AGBL1: variants seen among roughly 807,000 people sequenced by gnomAD.
The protein encoded by AGBL1 is AGBL carboxypeptidase 1.
Under a neutral mutation model 118.9 loss-of-function variants are expected in AGBL1, and 130 were observed. The observed-to-expected ratio is 1.09, with a 90% CI of 0.95 to 1.26. The LOEUF (loss-of-function observed/expected upper bound fraction) is 1.26, where lower values mean the gene tolerates loss of function less well. Among genes scored for constraint, AGBL1 ranks in the 50% most tolerant of loss-of-function variants. AGBL1 has a pLI of 0.00. For missense variants in AGBL1, 1,584 were observed against 1,298.1 expected (o/e 1.22, Z -3.38); for synonymous variants, 555 against 478.9 (o/e 1.16, Z -2.08).
At chr15:86,717,923 C>T (rs2086661955) in intron 22 of AGBL1, among the ~76,000 whole-genome samples, 1 of 151,948 alleles carries the variant, frequency 6.6e-6, no homozygotes, top group African/African-American at 2.4e-5. Context: ...ACTAAAAATA[C>T]AAAAATTAGC....
At chr15:86,081,871 C>T (rs954569524) in intron 1 of AGBL1, among the ~76,000 whole-genome samples, 3 of 152,202 alleles carry the variant, frequency 2.0e-5, no homozygotes, top group Non-Finnish European at 4.4e-5. Flanking sequence ...TCAGGTTGAA[C>T]TCAATTGCCT....
intron 1 of AGBL1, among the ~76,000 whole-genome samples, chr15:86,101,416 G>A (rs1000028081): frequency 2.1e-5 from 3 of 145,806 alleles, no homozygotes; most frequent in Non-Finnish European, 4.5e-5. Flanking sequence ...TTTTTTTTTT[G>A]TTGTTGTTAA....
intron 23 of AGBL1, among the ~76,000 whole-genome samples, chr15:86,957,192 A>T (rs2141679541): frequency 6.6e-6 from 1 of 152,206 alleles, no homozygotes; most frequent in African/African-American, 2.4e-5. Flanking sequence ...ATTTTTATAT[A>T]TTTTATTCAA....
At chr15:87,008,274 G>A (rs1226691562) in intron 24 of AGBL1, among the ~76,000 whole-genome samples, 1 of 152,134 alleles carries the variant, frequency 6.6e-6, no homozygotes, top group Non-Finnish European at 1.5e-5. Flanking sequence ...ATTGAATCAT[G>A]GGGGCAGGTC....
rs539738385 is a variant in AGBL1 at position 86,971,269 on chromosome 15, C to T, written c.3222-16718C>T. Among the ~76,000 whole-genome samples the T allele has an allele frequency of 5.3e-5, 8 of 152,092 alleles. No individual in the cohort carries two copies. In the Middle Eastern group the frequency reaches 0.01, roughly 194 times the overall value. On this transcript the variant is annotated intron_variant, in intron 23 of 24. Coordinates refer to the AGBL1 transcript ENST00000441037. ...CCTAGAAATGCTAGGAATCTTCAAA[C>T]CTGAGAGAAGTATATTTCTTATGCC...
intron 22 of AGBL1, among the ~76,000 whole-genome samples, chr15:86,869,074 G>A (rs180917437): frequency 2.9e-4 from 44 of 152,320 alleles, no homozygotes; most frequent in African/African-American, 1.0e-3. Context: ...CTGCCTTGGT[G>A]GCAGGGTGAT....
chr15:86,218,564 C>T (rs1369199699), intron 5 of AGBL1, among the ~76,000 whole-genome samples: 1 of 152,108 alleles, frequency 6.6e-6, no homozygotes, highest in East Asian at 1.9e-4. Flanking sequence ...AAGGTAAGGA[C>T]ATGTCATCCC....
intron 22 of AGBL1, among the ~76,000 whole-genome samples, chr15:86,697,338 C>T (rs987484691): frequency 4.6e-5 from 7 of 151,688 alleles, no homozygotes; most frequent in Non-Finnish European, 8.8e-5. Context: ...TTTCAAAAAC[C>T]TTGTCTTCCA....
chr15:86,420,943 A>G (rs565457664), intron 18 of AGBL1, among the ~76,000 whole-genome samples: 2 of 152,350 alleles, frequency 1.3e-5, no homozygotes, highest in South Asian at 4.1e-4. Context: ...AAATCCTCCA[A>G]GAAATATGGG....
chr15:86,142,468 A>G (rs759314062), intron 2 of AGBL1, among the ~76,000 whole-genome samples: 49 of 152,192 alleles, frequency 3.2e-4, no homozygotes, highest in Non-Finnish European at 6.0e-4. Context: ...TTCAGAGATA[A>G]GATAACAGAG....
intron 17 of AGBL1, among the ~76,000 whole-genome samples, chr15:86,365,001 A>ATG (rs1268371067): frequency 0.021 from 2,725 of 131,618 alleles, 99 homozygotes; most frequent in African/African-American, 0.039. Context: ...ACACACACAT[A>ATG]TATATATACA....
intron 21 of AGBL1, among the ~76,000 whole-genome samples, chr15:86,571,089 C>A (rs1329622317): frequency 6.6e-6 from 1 of 152,184 alleles, no homozygotes; most frequent in African/African-American, 2.4e-5. Flanking sequence ...CCGGCTACAC[C>A]ACAAGCAGCT....
chr15:86,121,612 AC>A lies in AGBL1; in HGVS notation c.52-20391del, dbSNP rs542742967. 6.6e-5 allele frequency among the ~76,000 whole-genome samples: 10 copies of A among 152,338 alleles called. No homozygotes were observed. The South Asian group carries it at 2.1e-3, about 32-fold the overall frequency. The stretch of plus-strand genomic sequence containing the variant: ...TACTCGACAATAGTCATATTAAAGA[AC>A]TGAAGTCTGAGTTTCTGATTCATTT... On this transcript the variant is annotated intron_variant, in intron 1 of 22. Coordinates refer to ENST00000614907, the MANE Select transcript of AGBL1 (RefSeq NM_001386094.1).
At chr15:86,148,795 C>T (rs764132130) in intron 3 of AGBL1, among the ~76,000 whole-genome samples, 12 of 152,052 alleles carry the variant, frequency 7.9e-5, no homozygotes, top group Non-Finnish European at 1.5e-4. Context: ...AGATACTCCT[C>T]GAGAAGAGCA....
intron 22 of AGBL1, among the ~76,000 whole-genome samples, chr15:86,759,255 A>T (rs1186422329): frequency 1.3e-5 from 2 of 152,236 alleles, no homozygotes; most frequent in Admixed American, 1.3e-4. Flanking sequence ...GAAAGCATTT[A>T]GGGAATTAGA....
intron 23 of AGBL1, among the ~76,000 whole-genome samples, chr15:86,977,063 CT>C (rs2081183492): frequency 6.6e-6 from 1 of 151,814 alleles, no homozygotes; most frequent in South Asian, 2.1e-4. Flanking sequence ...TTTTATTGTT[CT>C]CTTCAGGTAT....
chr15:86,636,473 A>G (rs1221256550), intron 21 of AGBL1, among the ~76,000 whole-genome samples: 1 of 127,380 alleles, frequency 7.9e-6, no homozygotes, highest in Non-Finnish European at 1.6e-5. Flanking sequence ...TGAGAAAAGT[A>G]TTATTTAATT....
At chr15:86,490,405 C>G (rs112577991) in intron 18 of AGBL1, among the ~76,000 whole-genome samples, 1 of 152,030 alleles carries the variant, frequency 6.6e-6, no homozygotes, top group Non-Finnish European at 1.5e-5. Flanking sequence ...CTCGTTAGAA[C>G]GAAAGGTTCC....
chr15:86,515,735 T>C (rs1306852313), intron 18 of AGBL1, among the ~76,000 whole-genome samples: 1 of 152,220 alleles, frequency 6.6e-6, no homozygotes, highest in Non-Finnish European at 1.5e-5. Flanking sequence ...ACTGTTCACT[T>C]GCATGTGTAT....
Sources: allele counts gnomAD v4.1 joint callset (sites outside exome capture counted in the v4.1 genomes callset), GRCh38; gene constraint gnomAD v4.1.1; transcripts MANE v1.5; gene names NCBI Gene and HGNC (gene_info 2026-07-23, HGNC 2026-07-21).